Variants in OSBPL3 observed in about 807,000 individuals in gnomAD.
The protein encoded by OSBPL3 is oxysterol-binding protein-related protein 3.
A neutral mutation model predicts 120.1 loss-of-function variants in OSBPL3; 65 were observed. The ratio of observed to expected loss-of-function variants is 0.54; its 90% CI spans 0.44 to 0.67. The LOEUF (loss-of-function observed/expected upper bound fraction) is 0.67. Ranked by LOEUF, OSBPL3 falls within the 30% of genes least tolerant of loss-of-function variation. The pLI, the probability that OSBPL3 is intolerant of heterozygous loss-of-function variation, is 0.00. For missense variants in OSBPL3, 1,004 were observed against 1,082.1 expected, an observed-to-expected ratio of 0.93 and a Z score of 1.01; for synonymous variants, 416 against 402.6, an observed-to-expected ratio of 1.03 and a Z score of -0.40.
Position 24,907,726 on chromosome 7 carries a change from A to C in OSBPL3, c.-149-15105T>G, listed in dbSNP as rs184386146. 7.0e-4 allele frequency among the ~76,000 whole-genome samples: 107 copies of C among 152,088 alleles called. No individual in the cohort carries two copies. In the East Asian group the frequency reaches 0.014, roughly 20 times the overall value. On this transcript the variant is annotated intron_variant, in intron 1 of 22. Coordinates refer to ENST00000313367, the MANE Select transcript of OSBPL3 (RefSeq NM_015550.4). Reference sequence around the variant, plus strand: ...TTTTCTCAACCCCTCTCCCACCCCAAATGCGTTTGTTTCCTCTTGGACTCT... The same window carrying C: ...TTTTCTCAACCCCTCTCCCACCCCACATGCGTTTGTTTCCTCTTGGACTCT...
intron 1 of OSBPL3, among the ~76,000 whole-genome samples, chr7:24,919,084 C>T (rs1228912133): frequency 1.3e-5 from 2 of 152,022 alleles, no homozygotes; most frequent in African/African-American, 4.8e-5. Context: ...ATATAAATAC[C>T]GAGCTTAGAT....
intron 1 of OSBPL3, among the ~76,000 whole-genome samples, chr7:24,951,175 G>C (rs1814387829): frequency 6.6e-6 from 1 of 152,180 alleles, no homozygotes; most frequent in African/African-American, 2.4e-5. Context: ...AGAAATTTGA[G>C]ATTATGGAAT....
At chr7:24,847,241 G>A (rs190928830) in intron 12 of OSBPL3, among the ~76,000 whole-genome samples, 2 of 152,100 alleles carry the variant, frequency 1.3e-5, no homozygotes, top group African/African-American at 4.8e-5. Context: ...TTTCAGTCTG[G>A]GAGGCCATTT....
intron 1 of OSBPL3, among the ~76,000 whole-genome samples, chr7:24,893,333 G>T (rs1222239192): frequency 6.6e-6 from 1 of 152,118 alleles, no homozygotes; most frequent in Non-Finnish European, 1.5e-5. Context: ...TAACATCAAT[G>T]AACCTTGACA....
At chr7:24,829,000 C>T (rs564248306) in intron 16 of OSBPL3, among the ~76,000 whole-genome samples, 1 of 152,324 alleles carries the variant, frequency 6.6e-6, no homozygotes, top group Non-Finnish European at 1.5e-5. Flanking sequence ...GCTCTGATTT[C>T]TCCCCCACTG....
chr7:24,862,578 A>G lies in OSBPL3; in HGVS notation c.870+622T>C, dbSNP rs1017414424. Among the ~76,000 whole-genome samples, 4 of 152,190 alleles carry G rather than the reference A, an allele frequency of 2.6e-5. No individual in the cohort carries two copies. The highest frequency in any genetic ancestry group is 5.9e-5 in the Non-Finnish European group (4 of 68,044). On this transcript the variant is annotated intron_variant, in intron 9 of 22. Transcript: ENST00000313367. This position sits in a 1 kb window ranked among gnomAD's most constrained non-coding sequence, Gnocchi z 4.4. ...AGAGTGTACACAAGTGTATCAGGTG[A>G]CCTAACCAAAAGCTTGAGATTTATG...
intron 12 of OSBPL3, among the ~76,000 whole-genome samples, chr7:24,843,220 G>A (rs1205080659): frequency 1.3e-5 from 2 of 152,144 alleles, no homozygotes; most frequent in Non-Finnish European, 2.9e-5. Flanking sequence ...CGCATCCAAC[G>A]CACATCAGAC....
chr7:24,977,343 A>G (rs908923329), intron 1 of OSBPL3, among the ~76,000 whole-genome samples: 19 of 152,198 alleles, frequency 1.2e-4, no homozygotes, highest in African/African-American at 4.1e-4. Context: ...TCAGCACCAG[A>G]AAGTTTACAG....
In OSBPL3 at chr7:24,824,867, G is replaced by T. The variant is rs901930065; in HGVS notation, c.1885-4629C>A. Among the ~76,000 whole-genome samples, 1 of 152,210 alleles carries T rather than the reference G, an allele frequency of 6.6e-6. No homozygotes were observed. The highest frequency in any genetic ancestry group is 2.4e-5 in the African/African-American group (1 of 41,448). ...ATGGAAACCTGTGGGGCTGAGAGAAGTTCGGAAGTTAACCATGCAGATATC... is the reference window on the plus strand; with the variant it reads ...ATGGAAACCTGTGGGGCTGAGAGAATTTCGGAAGTTAACCATGCAGATATC... On this transcript the variant is annotated intron_variant, in intron 16 of 22. Coordinates refer to ENST00000313367, the MANE Select transcript of OSBPL3 (RefSeq NM_015550.4). This position sits in a 1 kb window ranked among gnomAD's most constrained non-coding sequence, Gnocchi z 4.9.
intron 1 of OSBPL3, among the ~76,000 whole-genome samples, chr7:24,928,198 T>TTG (rs1193163987): frequency 6.7e-6 from 1 of 150,160 alleles, no homozygotes; most frequent in Non-Finnish European, 1.5e-5. Context: ...CTTTTTGTTT[T>TTG]TTTTTTTTTT....
At chr7:24,809,717 C>A in intron 20 of OSBPL3, 90 bp downstream of exon 20, 1 of 1,236,212 alleles carries the variant, frequency 8.1e-7, no homozygotes, top group Non-Finnish European at 1.2e-6. Context: ...AGATGCTGAA[C>A]AGACACTACT....
Position 24,863,703 on chromosome 7 carries a change from T to C in OSBPL3, c.674-104A>G. The C allele has an allele frequency of 1.3e-6, 1 of 742,906 alleles. No individual in the cohort carries two copies. The highest frequency in any genetic ancestry group is 2.3e-6 in the Non-Finnish European group (1 of 440,970). 46.0% of individuals were successfully genotyped at this position (742,906 alleles called of 1,614,324 possible). On this transcript the variant is annotated intron_variant, in intron 7 of 22. Transcript: ENST00000313367. The surrounding 1 kb of genome is among the most constrained non-coding windows in gnomAD (Gnocchi z 5.8). The stretch of plus-strand genomic sequence containing the variant: ...TTTCCTTATTTATCTGTAGTTGATT[T>C]TTTTTTTCATCTGTAAGGGTTGGAA...
chr7:24,880,775 C>T (rs1008397167), intron 2 of OSBPL3, among the ~76,000 whole-genome samples: 2 of 152,194 alleles, frequency 1.3e-5, no homozygotes, highest in Non-Finnish European at 2.9e-5. Flanking sequence ...CTCATGAGCA[C>T]ACACCTTGTA....
chr7:24,833,138 C>T lies in OSBPL3; in HGVS notation c.1746+1348G>A, dbSNP rs927891381. ...TTATTCAGCAAAAATTATCTGGGGA[C>T]AAGTAACAAAGAAGAGTTTAAAAAA... On this transcript the variant is annotated intron_variant, in intron 15 of 22. Transcript: ENST00000313367. The surrounding 1 kb of genome is among the most constrained non-coding windows in gnomAD (Gnocchi z 4.4). Among the ~76,000 whole-genome samples the T allele has an allele frequency of 2.6e-5, 4 of 152,160 alleles. No homozygotes were observed. The highest frequency in any genetic ancestry group is 9.7e-5 in the African/African-American group (4 of 41,428).
chr7:24,921,559 G>A (rs1404883721), intron 1 of OSBPL3, among the ~76,000 whole-genome samples: 3 of 152,206 alleles, frequency 2.0e-5, no homozygotes, highest in Non-Finnish European at 4.4e-5. Flanking sequence ...ACTCCAGAAT[G>A]TAGCTCAGAA....
At chr7:24,943,294 C>T (rs551765311) in intron 1 of OSBPL3, among the ~76,000 whole-genome samples, 2 of 152,298 alleles carry the variant, frequency 1.3e-5, no homozygotes, top group African/African-American at 2.4e-5. Context: ...CTCTAGGTCA[C>T]ACCACAGCAA....
rs1335743630 is a variant in OSBPL3, at chr7:24,871,032, A to C, written c.268-187T>G. Among the ~76,000 whole-genome samples the C allele has an allele frequency of 6.6e-6, 1 of 152,230 alleles. No individual in the cohort carries two copies. Among genetic ancestry groups the C allele is most frequent in the Non-Finnish European group, 1.5e-5 (1 of 68,042 alleles). ...TGTCTTCCTGAATCTCCGAGGTAGGAAGTACTCTCCCCATTTTACAGATGA... is the reference window on the plus strand; with the variant it reads ...TGTCTTCCTGAATCTCCGAGGTAGGCAGTACTCTCCCCATTTTACAGATGA... On this transcript the variant is annotated intron_variant, in intron 4 of 22. Transcript: ENST00000313367. This position sits in a 1 kb window ranked among gnomAD's most constrained non-coding sequence, Gnocchi z 4.8.
rs913444320 is a variant in OSBPL3, at chr7:24,802,082, G to A, written c.2568-1803C>T. 1.3e-5 allele frequency among the ~76,000 whole-genome samples: 2 copies of A among 152,200 alleles called. No individual in the cohort carries two copies. The highest frequency in any genetic ancestry group is 6.5e-5 in the Admixed American group (1 of 15,282). On this transcript the variant is annotated intron_variant, in intron 22 of 22. Coordinates refer to ENST00000313367, the MANE Select transcript of OSBPL3 (RefSeq NM_015550.4). This position sits in a 1 kb window ranked among gnomAD's most constrained non-coding sequence, Gnocchi z 4.1. ...TATGGTTTAGAAGCAAAAGTGGAGT[G>A]TGCCTGTTTTCCTACACTCTCAGGA...
intron 19 of OSBPL3, among the ~76,000 whole-genome samples, chr7:24,814,484 C>T (rs866941184): frequency 6.6e-6 from 1 of 151,794 alleles, no homozygotes; most frequent in African/African-American, 2.4e-5. Flanking sequence ...TCTGGTAAAC[C>T]ATACCTAATG....
Sources: gnomAD v4.1 joint callset for allele counts (sites outside exome capture counted in the v4.1 genomes callset) on GRCh38, gnomAD v4.1.1 for gene constraint, Gnocchi (gnomAD v3.1) non-coding constraint, MANE v1.5 for transcripts, NCBI Gene and HGNC (gene_info 2026-07-23, HGNC 2026-07-21) for gene names.